VPS13C: variants seen among roughly 807,000 people sequenced by gnomAD.
VPS13C encodes vacuolar protein sorting 13 homolog C, also known as intermembrane lipid transfer protein VPS13C.
A neutral mutation model predicts 456.8 loss-of-function variants in VPS13C; 358 were observed. The ratio of observed to expected loss-of-function variants is 0.78; its 90% CI spans 0.72 to 0.86. The LOEUF (loss-of-function observed/expected upper bound fraction) is 0.86, where lower values mean the gene tolerates loss of function less well. VPS13C is among the 40% of genes least tolerant of loss of function. The probability of loss-of-function intolerance (pLI) is 0.00; values close to 1 mark genes in which losing one functional copy is unlikely to be tolerated. For synonymous variants in VPS13C, 1,578 were observed against 1,486.7 expected (o/e 1.06, Z -1.41); for missense variants, 4,818 against 4,385.4 (o/e 1.10, Z -2.79).
At chr15:61,854,587 T>TC in intron 84 of VPS13C, 29 bp from the exon 85 acceptor site, 1 of 1,608,748 alleles carries the variant, frequency 6.2e-7, no homozygotes, top group Non-Finnish European at 8.5e-7. Flanking sequence ...ATTATGAATT[T>TC]TAAAGACAAG....
chr15:61,905,378 CAG>C (rs1247999687), intron 66 of VPS13C, among the ~76,000 whole-genome samples: 1 of 152,084 alleles, frequency 6.6e-6, no homozygotes, highest in African/African-American at 2.4e-5. Flanking sequence ...TTGGCTGAAA[CAG>C]AAGTCTTGTA....
At chr15:62,009,359 G>T (rs1399687932) in intron 13 of VPS13C, among the ~76,000 whole-genome samples, 1 of 146,612 alleles carries the variant, frequency 6.8e-6, no homozygotes, top group Non-Finnish European at 1.5e-5. Context: ...AAGCAGAGAA[G>T]ATTAAAAAAA....
chr15:61,875,104 T>C (rs890686468), intron 76 of VPS13C, among the ~76,000 whole-genome samples, 153 bp from the exon 77 acceptor site: 3 of 152,238 alleles, frequency 2.0e-5, no homozygotes, highest in East Asian at 1.9e-4. Context: ...CAAATATGGA[T>C]AGAATATCTA....
intron 74 of VPS13C, 129 bp from the exon 75 acceptor site, chr15:61,877,183 C>A (rs777469271): frequency 6.8e-6 from 4 of 584,256 alleles, no homozygotes; most frequent in Non-Finnish European, 1.2e-5. Context: ...ACATTTACCA[C>A]ATACAATTTA....
chr15:61,904,745 G>A (rs959227923), intron 66 of VPS13C, among the ~76,000 whole-genome samples: 5 of 152,072 alleles, frequency 3.3e-5, no homozygotes, highest in African/African-American at 1.2e-4. Flanking sequence ...TCCATCAATA[G>A]ATGAATGGAT....
At chr15:62,032,602 TGAC>T (rs1190537175) in intron 5 of VPS13C, among the ~76,000 whole-genome samples, 1 of 151,820 alleles carries the variant, frequency 6.6e-6, no homozygotes, top group Non-Finnish European at 1.5e-5. Context: ...TTCAATTAAA[TGAC>T]AACATCTTAA....
At position 61,881,817 on chromosome 15, in the gene VPS13C, C is replaced by CT; in HGVS notation, c.9635dup (p.Leu3213ValfsTer30). 6.3e-7 allele frequency: 1 copy of CT among 1,589,570 alleles called. No homozygotes were observed. Among genetic ancestry groups the CT allele is most frequent in the East Asian group, 2.2e-5 (1 of 44,666 alleles). On this transcript the variant is annotated frameshift_variant, in exon 70 of 85. Coordinates refer to ENST00000644861, the MANE Select transcript of VPS13C (RefSeq NM_020821.3). LOFTEE classifies it high-confidence loss of function. ...CAACAGGGAACATTGCACCTGGTAA[C>CT]TGATTATCAACCTGAAAGAAAAGAA...
chr15:62,037,584 C>T (rs1178508502), intron 3 of VPS13C, among the ~76,000 whole-genome samples: 1 of 132,264 alleles, frequency 7.6e-6, no homozygotes, highest in Admixed American at 8.0e-5. Flanking sequence ...AATACAATTT[C>T]AATCTATGTT....
At chr15:62,042,291 C>T (rs2048268284) in intron 2 of VPS13C, among the ~76,000 whole-genome samples, 1 of 152,042 alleles carries the variant, frequency 6.6e-6, no homozygotes, top group South Asian at 2.1e-4. Flanking sequence ...AACTGATATC[C>T]ATAATGATAA....
In VPS13C at chr15:61,946,939, T is replaced by TAGAA. The variant is rs1421191381; in HGVS notation, c.4876+253_4876+254insTTCT. On this transcript the variant is annotated intron_variant, in intron 43 of 84. Coordinates refer to ENST00000644861, the MANE Select transcript of VPS13C (RefSeq NM_020821.3). ...TCCAAAAAAAATTTGTCATTCTCAGTTTCTAAAGGCATAATGATTTCTGCA... is the reference window on the plus strand; with the variant it reads ...TCCAAAAAAAATTTGTCATTCTCAGTAGAATTCTAAAGGCATAATGATTTCTGCA... Among the ~76,000 whole-genome samples the TAGAA allele has an allele frequency of 3.9e-5, 6 of 152,198 alleles. No individual in the cohort carries two copies. In the East Asian group the frequency reaches 1.2e-3, roughly 29 times the overall value.
At chr15:61,973,382 C>A in intron 26 of VPS13C, 72 bp downstream of exon 26, 1 of 1,297,132 alleles carries the variant, frequency 7.7e-7, no homozygotes. Flanking sequence ...CCCTTATTTT[C>A]TGAAAATGTT....
chr15:62,023,957 A>C, intron 6 of VPS13C, 112 bp from the exon 7 acceptor site: 71 of 789,870 alleles, frequency 9.0e-5, no homozygotes, highest in Non-Finnish European at 1.3e-4. Context: ...GGCACAACTC[A>C]CCTTACCTTA....
rs541398588 is a variant in VPS13C, at chr15:62,006,617, C to A, written c.1290+691G>T. Among the ~76,000 whole-genome samples, 7 of 152,312 alleles carry A rather than the reference C, an allele frequency of 4.6e-5. No individual in the cohort carries two copies. The East Asian group carries it at 1.4e-3, about 29-fold the overall frequency. ...TGATTTATAATCCTTTGGGTACATACCCAGTAACGGGATGGCTGGGTCAAA... is the reference window on the plus strand; with the variant it reads ...TGATTTATAATCCTTTGGGTACATAACCAGTAACGGGATGGCTGGGTCAAA... On this transcript the variant is annotated intron_variant, in intron 15 of 84. Coordinates refer to ENST00000644861, the MANE Select transcript of VPS13C (RefSeq NM_020821.3).
intron 82 of VPS13C, 116 bp from the exon 83 acceptor site, chr15:61,856,525 TG>T: frequency 8.2e-7 from 1 of 1,221,716 alleles, no homozygotes; most frequent in Non-Finnish European, 1.1e-6. Context: ...CAATATAAAC[TG>T]GCACTAAAAA....
At chr15:62,016,993 G>T (rs1039180395) in intron 9 of VPS13C, among the ~76,000 whole-genome samples, 1 of 151,998 alleles carries the variant, frequency 6.6e-6, no homozygotes, top group African/African-American at 2.4e-5. Flanking sequence ...ATCTCATTGC[G>T]GTTTTGATTT....
intron 66 of VPS13C, among the ~76,000 whole-genome samples, chr15:61,894,231 C>T (rs1241685105): frequency 6.6e-6 from 1 of 151,544 alleles, no homozygotes; most frequent in Non-Finnish European, 1.5e-5. Context: ...TTGCTTGAAC[C>T]AAGGAGGTGG....
chr15:61,979,155 G>A (rs2140375851), intron 22 of VPS13C, among the ~76,000 whole-genome samples: 1 of 152,230 alleles, frequency 6.6e-6, no homozygotes, highest in East Asian at 1.9e-4. Context: ...ATAAAATTAG[G>A]CCACTATAAT....
At chr15:62,015,128 C>G (rs918790401) in intron 9 of VPS13C, among the ~76,000 whole-genome samples, 4 of 152,084 alleles carry the variant, frequency 2.6e-5, no homozygotes, top group African/African-American at 7.2e-5. Context: ...TACTCTGCTC[C>G]CTTATGACCA....
At chr15:61,953,217 AT>A (rs1032545991) in intron 38 of VPS13C, among the ~76,000 whole-genome samples, 12 of 151,292 alleles carry the variant, frequency 7.9e-5, no homozygotes, top group Non-Finnish European at 1.2e-4. Context: ...TTCTCAGACA[AT>A]TTTTTTTAAT....
Sources: gnomAD v4.1 joint callset for allele counts (sites outside exome capture counted in the v4.1 genomes callset) on GRCh38, gnomAD v4.1.1 for gene constraint, MANE v1.5 for transcripts, NCBI Gene and HGNC (gene_info 2026-07-23, HGNC 2026-07-21) for gene names.